SLC29A2: variants seen among roughly 807,000 people sequenced by gnomAD.
SLC29A2 encodes the protein solute carrier family 29 member 2.
In SLC29A2, 37 loss-of-function variants were observed where a neutral mutation model predicts 48.8. The observed-to-expected ratio is 0.76, with a 90% CI of 0.58 to 1.00. The LOEUF (loss-of-function observed/expected upper bound fraction) is 1.00, where lower values mean the gene tolerates loss of function less well. Ranked by LOEUF, SLC29A2 falls within the 50% of genes least tolerant of loss-of-function variation. The pLI is 0.00. For missense variants in SLC29A2, 533 were observed against 578.6 expected (o/e 0.92, Z 0.81); for synonymous variants, 233 against 261.7 (o/e 0.89, Z 1.06).
At position 66,371,681 on chromosome 11, in the gene SLC29A2, C is replaced by T; in HGVS notation, c.-90G>A. 2.2e-6 allele frequency: 2 copies of T among 911,436 alleles called. No individual in the cohort carries two copies. Among genetic ancestry groups the T allele is most frequent in the South Asian group, 1.5e-5 (1 of 66,944 alleles). The allele number at this position is 911,436 out of a possible 1,614,324, so 56.5% of individuals were successfully genotyped here. Reference sequence around the variant, plus strand: ...GGCGGAGGGCCGCAGACCGGTGGGGCGGGGGGCGGGTCTCCCCAGATTCCG... The same window carrying T: ...GGCGGAGGGCCGCAGACCGGTGGGGTGGGGGGCGGGTCTCCCCAGATTCCG... On this transcript the variant is annotated 5_prime_UTR_variant, in exon 1 of 12. Coordinates refer to ENST00000357440, the MANE Select transcript of SLC29A2 (RefSeq NM_001532.3).
Position 66,369,357 on chromosome 11 carries a change from C to T in SLC29A2, c.275+12G>A. ...TCGGCAGAGGGCGCAGGAGCCAGGG[C>T]AGGCCTCTCACCACTGGTACAGGAA... On this transcript the variant is annotated intron_variant, in intron 3 of 11. Transcript: ENST00000357440. 1 of 1,613,838 alleles carries T rather than the reference C, an allele frequency of 6.2e-7. No homozygotes were observed.
upstream of SLC29A2, chr11:66,372,014 A>C (rs981853783): frequency 4.5e-6 from 1 of 220,560 alleles, no homozygotes; most frequent in Non-Finnish European, 9.0e-6. Context: ...CCTCACCTCC[A>C]CCCCCCGCCG....
In SLC29A2 at chr11:66,371,647, C is replaced by T. The variant is rs1429997434; in HGVS notation, c.-56G>A. 1 of 1,520,726 alleles carries T rather than the reference C, an allele frequency of 6.6e-7. No individual in the cohort carries two copies. The highest frequency in any genetic ancestry group is 2.0e-4 in the Middle Eastern group (1 of 4,982). 94.2% of individuals were successfully genotyped at this position (1,520,726 alleles called of 1,614,324 possible). ...AGGGGCAGAGAAGCCGCACCTGCAC[C>T]TGCGCTGGGGCGGAGGGCCGCAGAC... On this transcript the variant is annotated 5_prime_UTR_variant, in exon 1 of 12. Coordinates refer to ENST00000357440, the MANE Select transcript of SLC29A2 (RefSeq NM_001532.3).
At chr11:66,368,494 C>A (rs542521970) in intron 5 of SLC29A2, 43 bp downstream of exon 5, 1 of 1,612,484 alleles carries the variant, frequency 6.2e-7, no homozygotes, top group African/African-American at 1.3e-5. Flanking sequence ...TTCCCCAAAC[C>A]TCAGAGGCCA....
At position 66,371,683 on chromosome 11, in the gene SLC29A2, G is replaced by T; in HGVS notation, c.-92C>A. On this transcript the variant is annotated 5_prime_UTR_variant, in exon 1 of 12. Coordinates refer to ENST00000357440, the MANE Select transcript of SLC29A2 (RefSeq NM_001532.3). Reference sequence around the variant, plus strand: ...CGGAGGGCCGCAGACCGGTGGGGCGGGGGGCGGGTCTCCCCAGATTCCGGT... The same window carrying T: ...CGGAGGGCCGCAGACCGGTGGGGCGTGGGGCGGGTCTCCCCAGATTCCGGT... 7.6e-7 allele frequency: 1 copy of T among 1,321,406 alleles called. No individual in the cohort carries two copies. Among genetic ancestry groups the T allele is most frequent in the South Asian group, 1.3e-5 (1 of 75,362 alleles). The allele number at this position is 1,321,406 out of a possible 1,614,324, so 81.9% of individuals were successfully genotyped here. A position where few individuals can be genotyped will look rare whatever the true frequency, so the allele number is the denominator to read the frequency against.
rs369426236 is a variant in SLC29A2 at position 66,369,208 on chromosome 11, A to G, written c.276-9T>C. The G allele has an allele frequency of 1.7e-4, 275 of 1,576,532 alleles. No homozygotes were observed. Among genetic ancestry groups the G allele is most frequent in the Non-Finnish European group, 2.3e-4 (264 of 1,161,822 alleles). ...GCACCGTCTCCGGGACGCTGCTCAG[A>G]AGCAGGCAGAGTGCATCAGTGGGGC... On this transcript the variant is annotated splice_polypyrimidine_tract_variant and intron_variant, in intron 3 of 11. Coordinates refer to ENST00000357440, the MANE Select transcript of SLC29A2 (RefSeq NM_001532.3).
rs372203488 is a variant in SLC29A2 at position 66,363,401 on chromosome 11, G to T, written c.*35C>A. On this transcript the variant is annotated 3_prime_UTR_variant, in exon 12 of 12. Transcript: ENST00000357440. ...GATCTCAGCTCCGGAAGGAGACGTC[G>T]AGAAGAGGCTGCCAAAGAGCCTGGA... 1.3e-6 allele frequency: 2 copies of T among 1,515,448 alleles called. No homozygotes were observed. The highest frequency in any genetic ancestry group is 1.8e-6 in the Non-Finnish European group (2 of 1,091,182). 93.9% of individuals were successfully genotyped at this position (1,515,448 alleles called of 1,614,324 possible). A position where few individuals can be genotyped will look rare whatever the true frequency, so the allele number is the denominator to read the frequency against.
chr11:66,368,289 C>G (rs984266212), intron 5 of SLC29A2, among the ~76,000 whole-genome samples: 1 of 152,142 alleles, frequency 6.6e-6, no homozygotes, highest in Admixed American at 6.5e-5. Context: ...CAACCTGCTG[C>G]CACATGCCAG....
At position 66,369,534 on chromosome 11, in the gene SLC29A2, T is replaced by C. The variant is rs755399146; in HGVS notation, c.112-2A>G. The C allele has an allele frequency of 1.5e-5, 24 of 1,613,612 alleles. No individual in the cohort carries two copies. The highest frequency in any genetic ancestry group is 2.0e-5 in the Non-Finnish European group (24 of 1,179,880). On this transcript the variant is annotated splice_acceptor_variant, in intron 2 of 11. Coordinates refer to ENST00000357440, the MANE Select transcript of SLC29A2 (RefSeq NM_001532.3). LOFTEE classifies it high-confidence loss of function. ...CCCGGCCAGTCGCGCCTGGAAGTAC[T>C]GCCAGGTGGGGAGGTGGTGGAGGGT...
rs763824429 is a variant in SLC29A2, at chr11:66,369,460, C to T, written c.184G>A (p.Glu62Lys). The change falls in exon 3 of 12, where the codon GAG becomes AAG. Residue 62 changes from glutamate (E) to lysine (K), a missense_variant. Transcript: ENST00000357440. ...CAATTGTTGAAGTTGAAGGCATCCTCGGGACCCGTGTGGTTGGTGCTCAGG... is the reference window on the plus strand; with the variant it reads ...CAATTGTTGAAGTTGAAGGCATCCTTGGGACCCGTGTGGTTGGTGCTCAGG... The part of the protein sequence containing the change: ...RILSTNHTGP[E>K]DAFNFNNWVT... 13 of 1,613,944 alleles carry T rather than the reference C, an allele frequency of 8.1e-6. No homozygotes were observed. The highest frequency in any genetic ancestry group is 1.3e-5 in the African/African-American group (1 of 74,894).
Position 66,364,226 on chromosome 11 carries a change from T to C in SLC29A2, c.1258A>G (p.Arg420Gly). The C allele has an allele frequency of 1.8e-5, 19 of 1,058,654 alleles. No homozygotes were observed. Among genetic ancestry groups the C allele is most frequent in the Non-Finnish European group, 2.4e-5 (18 of 736,338 alleles). The allele number at this position is 1,058,654 out of a possible 1,614,324, so 65.6% of individuals were successfully genotyped here. A position where few individuals can be genotyped will look rare whatever the true frequency, so the allele number is the denominator to read the frequency against. Reference protein sequence around the residue: ...LVSLTMCLAPRQVLPHEREVA... With the variant: ...LVSLTMCLAPGQVLPHEREVA... ...CCACCCCACCCCATTGCCCCGGACC[T>C]GGGCGCCAGGCACATGGTGAGGGAC... Residue 420 changes from arginine to glycine, a missense_variant and splice_region_variant, in exon 11 of 12, where the codon AGG becomes GGG. Transcript: ENST00000357440.
At position 66,366,020 on chromosome 11, in the gene SLC29A2, A is replaced by G. The variant is rs751986591; in HGVS notation, c.975T>C (p.Ser325=). ...AGCAGCAGATGGGGTTGAAGAACTG[A>G]CCTGGGAGGGAAACGGCTGCAGCTC... is the stretch of plus-strand genomic sequence containing the variant. ...VTSSTSPGKW[S]QFFNPICCFL... is the part of the protein sequence containing the mutation. Residue 325 remains serine, a splice_region_variant and synonymous_variant, in exon 10 of 12, where the codon AGT becomes AGC. Coordinates refer to ENST00000357440, the MANE Select transcript of SLC29A2 (RefSeq NM_001532.3). 1.9e-5 allele frequency: 31 copies of G among 1,613,970 alleles called. No individual in the cohort carries two copies. The highest frequency in any genetic ancestry group is 2.4e-5 in the Non-Finnish European group (28 of 1,179,964).
chr11:66,370,698 A>C (rs541375472), intron 2 of SLC29A2, among the ~76,000 whole-genome samples: 1 of 152,222 alleles, frequency 6.6e-6, no homozygotes, highest in African/African-American at 2.4e-5. Context: ...TCTACTAAAA[A>C]TACAAAAAAA....
In SLC29A2 at chr11:66,367,494, G is replaced by A. The variant is rs752662364; in HGVS notation, c.703C>T (p.Leu235=). The A allele has an allele frequency of 2.5e-6, 4 of 1,614,168 alleles. No individual in the cohort carries two copies. The highest frequency in any genetic ancestry group is 2.2e-5 in the East Asian group (1 of 44,884). ...TGGAGGAGCTCAGCTTTGGTCTCCAGCTCCTGAGCTTGGGCCTGGGATGAT... is the reference window on the plus strand; with the variant it reads ...TGGAGGAGCTCAGCTTTGGTCTCCAACTCCTGAGCTTGGGCCTGGGATGAT... ...NKSSQAQAQE[L]ETKAELLQSD... Residue 235 remains leucine (L), a synonymous_variant, in exon 7 of 12, where the codon CTG becomes TTG. Transcript: ENST00000357440.
In SLC29A2 at chr11:66,369,089, A is replaced by G; in HGVS notation, c.386T>C (p.Ile129Thr). Residue 129 changes from isoleucine to threonine, a missense_variant, in exon 4 of 12, where the codon ATC becomes ACC. Physicochemically the swap from Ile to Thr is moderately conservative, Grantham distance 89 (BLOSUM62 -1). Transcript: ENST00000357440. ...GATGAAGCAGACGGAGGCCATGGTG[A>G]TGGAGAAGAAGGGTCCGGGGCTCAT... Reference protein sequence around the residue: ...VDMSPGPFFSITMASVCFINS... With the variant: ...VDMSPGPFFSTTMASVCFINS... 1 of 1,599,782 alleles carries G rather than the reference A, an allele frequency of 6.3e-7. No homozygotes were observed. The highest frequency in any genetic ancestry group is 8.5e-7 in the Non-Finnish European group (1 of 1,173,440).
rs879339409 is a variant in SLC29A2, at chr11:66,371,253, G to C, written c.102C>G (p.Thr34=). The C allele has an allele frequency of 6.2e-7, 1 of 1,613,740 alleles. No homozygotes were observed. Among genetic ancestry groups the C allele is most frequent in the Admixed American group, 1.7e-5 (1 of 60,014 alleles). ...GTLLPWNFFI[T]AIPYFQARLA... ...CCGCCAGGAGTCTCACCGGGATGGC[G>C]GTGATGAAGAAGTTCCAGGGAAGGA... is the stretch of plus-strand genomic sequence containing the variant. Residue 34 remains threonine (T), a synonymous_variant, in exon 2 of 12, where the codon ACC becomes ACG. Coordinates refer to ENST00000357440, the MANE Select transcript of SLC29A2 (RefSeq NM_001532.3).
rs139704628 is a variant in SLC29A2, at chr11:66,366,111, C to A, written c.973+15G>T. 2 of 1,611,530 alleles carry A rather than the reference C, an allele frequency of 1.2e-6. No individual in the cohort carries two copies. The highest frequency in any genetic ancestry group is 3.3e-5 in the Admixed American group (2 of 59,858). The stretch of plus-strand genomic sequence containing the variant: ...GTACCCCCTGCCCTGCCGTCTTCTC[C>A]ACCCTGACACTCACTCCACTTCCCA... On this transcript the variant is annotated intron_variant, in intron 9 of 11. Transcript: ENST00000357440.
Position 66,364,192 on chromosome 11 carries a change from C to T in SLC29A2, c.1259+33G>A, listed in dbSNP as rs751414529. 6 of 1,512,954 alleles carry T rather than the reference C, an allele frequency of 4.0e-6. No homozygotes were observed. In the South Asian group the frequency reaches 7.1e-5, roughly 18 times the overall value. The allele number at this position is 1,512,954 out of a possible 1,614,324, so 93.7% of individuals were successfully genotyped here. On this transcript the variant is annotated intron_variant, in intron 11 of 11. Transcript: ENST00000357440. Reference sequence around the variant, plus strand: ...CAAAGACTGAACCCACCTCCCTACTCCCAGCCCCCCACCCCACCCCATTGC... The same window carrying T: ...CAAAGACTGAACCCACCTCCCTACTTCCAGCCCCCCACCCCACCCCATTGC...
chr11:66,371,353 C>G (rs1439099479), intron 1 of SLC29A2, 28 bp from the exon 2 acceptor site: 1 of 1,608,016 alleles, frequency 6.2e-7, no homozygotes, highest in African/African-American at 1.3e-5. Flanking sequence ...AAGGTCACCC[C>G]GAGGACGCAC....
Sources: allele counts gnomAD v4.1 joint callset (sites outside exome capture counted in the v4.1 genomes callset), GRCh38; gene constraint gnomAD v4.1.1; transcripts MANE v1.5; gene names NCBI Gene and HGNC (gene_info 2026-07-23, HGNC 2026-07-21).